Variants in CKM observed in about 807,000 individuals in gnomAD.
CKM encodes the protein creatine kinase, M-type, also known as creatine kinase M-type.
Under a neutral mutation model 35.4 loss-of-function variants are expected in CKM, and 28 were observed. The observed-to-expected ratio is 0.79, with a 90% CI of 0.59 to 1.08. The LOEUF is 1.08. Among genes scored for constraint, CKM ranks in the 50% least tolerant of loss-of-function variants. The pLI is 0.00. For synonymous variants in CKM, 215 were observed against 204.4 expected (o/e 1.05, Z -0.44); for missense variants, 484 against 509.8 (o/e 0.95, Z 0.49).
chr19:45,320,127 C>G (rs1396372859), intron 1 of CKM, among the ~76,000 whole-genome samples: 1 of 150,120 alleles, frequency 6.7e-6, no homozygotes, highest in African/African-American at 2.5e-5. Context: ...CACTCTGTTA[C>G]CCAGGTTGGA....
chr19:45,317,230 C>A (rs1472900559), intron 3 of CKM, among the ~76,000 whole-genome samples: 1 of 152,176 alleles, frequency 6.6e-6, no homozygotes, highest in East Asian at 1.9e-4. Context: ...GCCTCCACCT[C>A]CTGAGTAGCT....
intron 5 of CKM, 59 bp from the exon 6 acceptor site, chr19:45,308,591 C>T: frequency 6.2e-7 from 1 of 1,610,494 alleles, no homozygotes; most frequent in East Asian, 2.2e-5. Flanking sequence ...ACCCCATTCC[C>T]AGCCCTCCCC....
rs377736202 is a variant in CKM, at chr19:45,306,806, C to G, written c.1090G>C (p.Glu364Gln). 2.5e-6 allele frequency: 4 copies of G among 1,614,092 alleles called. No individual in the cohort carries two copies. The highest frequency in any genetic ancestry group is 2.7e-5 in the African/African-American group (2 of 74,936). The change falls in exon 8 of 8, where the codon GAG becomes CAG. Residue 364 changes from glutamate to glutamine, a missense_variant. Transcript: ENST00000221476. The surrounding 1 kb of genome is among the most constrained non-coding windows in gnomAD (Gnocchi z 4.5). ...GACTGGCCTTTCTCCAACTTCTTCTCCATTTCCACCATGAGCTTCACACCA... is the reference window on the plus strand; with the variant it reads ...GACTGGCCTTTCTCCAACTTCTTCTGCATTTCCACCATGAGCTTCACACCA... The part of the protein sequence containing the change: ...VDGVKLMVEM[E>Q]KKLEKGQSID...
chr19:45,315,570 C>G lies in CKM; in HGVS notation c.376G>C (p.Val126Leu), dbSNP rs770684496. The G allele has an allele frequency of 3.1e-6, 5 of 1,604,268 alleles. No homozygotes were observed. The highest frequency in any genetic ancestry group is 4.2e-6 in the Non-Finnish European group (5 of 1,179,944). ...CCAGTGCGGACGCGGCTGCTGAGCACGTAGTTAGGGTCCAGGTCGTCTCCA... is the reference window on the plus strand; with the variant it reads ...CCAGTGCGGACGCGGCTGCTGAGCAGGTAGTTAGGGTCCAGGTCGTCTCCA... ...KGGDDLDPNY[V>L]LSSRVRTGRS... The change falls in exon 4 of 8, where the codon GTG becomes CTG. Residue 126 changes from valine (V) to leucine (L), a missense_variant. Val to Leu is a conservative substitution (Grantham distance 32). Transcript: ENST00000221476.
intron 5 of CKM, among the ~76,000 whole-genome samples, chr19:45,311,251 T>C (rs1261402536): frequency 2.7e-5 from 4 of 149,676 alleles, no homozygotes; most frequent in African/African-American, 9.9e-5. Context: ...TTTGTTTTTT[T>C]TTGAGACAGT....
chr19:45,311,796 C>A lies in CKM; in HGVS notation c.606G>T (p.Leu202=). The change falls in exon 5 of 8, where the codon CTG becomes CTT. Residue 202 remains leucine, a synonymous_variant. Coordinates refer to ENST00000221476, the MANE Select transcript of CKM (RefSeq NM_001824.5). The part of the protein sequence containing the change: ...FLFDKPVSPL[L]LASGMARDWP... ...AGTCGCGGGCCATGCCTGAGGCCAG[C>A]AGCAGCGGGGACACGGGCTTGTCGA... 3 of 1,607,576 alleles carry A rather than the reference C, an allele frequency of 1.9e-6. No individual in the cohort carries two copies. Among genetic ancestry groups the A allele is most frequent in the Non-Finnish European group, 2.5e-6 (3 of 1,177,108 alleles).
At chr19:45,317,416 T>C (rs767837695) in intron 3 of CKM, among the ~76,000 whole-genome samples, 45 of 152,158 alleles carry the variant, frequency 3.0e-4, no homozygotes, top group Non-Finnish European at 1.5e-4. Flanking sequence ...GCCTCCCACG[T>C]AGCTGGGATT....
Position 45,313,225 on chromosome 19 carries a change from A to G in CKM, c.482-1305T>C, listed in dbSNP as rs140724895. Among the ~76,000 whole-genome samples the G allele has an allele frequency of 2.2e-3, 337 of 152,232 alleles. 1 individual carries two copies. In the East Asian group the frequency reaches 0.026, roughly 12 times the overall value. Reference sequence around the variant, plus strand: ...ATGTGCCACTTCGTGTCTCTGTGTCACATGTGGGTAATTCTCACAGTACTG... The same window carrying G: ...ATGTGCCACTTCGTGTCTCTGTGTCGCATGTGGGTAATTCTCACAGTACTG... On this transcript the variant is annotated intron_variant, in intron 4 of 7. Transcript: ENST00000221476.
intron 4 of CKM, among the ~76,000 whole-genome samples, chr19:45,313,773 G>A (rs1001606611): frequency 5.3e-5 from 8 of 152,206 alleles, no homozygotes; most frequent in Non-Finnish European, 8.8e-5. Flanking sequence ...CTTGAACCAC[G>A]AGGTGGAGGT....
chr19:45,319,506 A>G lies in CKM; in HGVS notation c.193+15T>C. The G allele has an allele frequency of 6.2e-7, 1 of 1,609,572 alleles. No individual in the cohort carries two copies. Among genetic ancestry groups the G allele is most frequent in the Non-Finnish European group, 8.5e-7 (1 of 1,176,836 alleles). On this transcript the variant is annotated intron_variant, in intron 2 of 7. Coordinates refer to ENST00000221476, the MANE Select transcript of CKM (RefSeq NM_001824.5). Reference sequence around the variant, plus strand: ...CCCCATGTAGCCCCTTCAGTGCTCCACTGGGGAGGCTCACCTGGGTTGTCC... The same window carrying G: ...CCCCATGTAGCCCCTTCAGTGCTCCGCTGGGGAGGCTCACCTGGGTTGTCC...
At chr19:45,318,872 T>C (rs909094364) in intron 2 of CKM, among the ~76,000 whole-genome samples, 4 of 151,846 alleles carry the variant, frequency 2.6e-5, no homozygotes, top group African/African-American at 9.7e-5. Flanking sequence ...TCTTTTTTTT[T>C]TTTTTTGAGA....
intron 4 of CKM, 111 bp downstream of exon 4, chr19:45,315,354 C>T: frequency 8.1e-7 from 1 of 1,239,654 alleles, no homozygotes; most frequent in Non-Finnish European, 1.1e-6. Context: ...ATTTACCAAG[C>T]TCTTCCCCTA....
Position 45,315,541 on chromosome 19 carries a change from G to C in CKM, c.405C>G (p.Arg135=), listed in dbSNP as rs1408402674. ...YVLSSRVRTG[R]SIKGYTLPPH... ...GGGGCAACGTGTAGCCCTTGATGCT[G>C]CGGCCAGTGCGGACGCGGCTGCTGA... The change falls in exon 4 of 8, where the codon CGC becomes CGG. Residue 135 remains arginine (R), a synonymous_variant. Transcript: ENST00000221476. 6.2e-7 allele frequency: 1 copy of C among 1,602,750 alleles called. No individual in the cohort carries two copies.
chr19:45,311,878 G>A lies in CKM; in HGVS notation c.524C>T (p.Pro175Leu). The change falls in exon 5 of 8, where the codon CCT (proline) becomes CTT (leucine). Residue 175 changes from proline to leucine, a missense_variant. Coordinates refer to ENST00000221476, the MANE Select transcript of CKM (RefSeq NM_001824.5). ...CTCCTTCTCCGTCATGCTCTTCAGAGGGTAGTACTTCCCTTTGAACTCGCC... is the reference window on the plus strand; with the variant it reads ...CTCCTTCTCCGTCATGCTCTTCAGAAGGTAGTACTTCCCTTTGAACTCGCC... ...LTGEFKGKYY[P>L]LKSMTEKEQQ... 6.2e-7 allele frequency: 1 copy of A among 1,614,066 alleles called. No individual in the cohort carries two copies. Among genetic ancestry groups the A allele is most frequent in the Non-Finnish European group, 8.5e-7 (1 of 1,179,964 alleles).
In CKM at chr19:45,307,388, C is replaced by T. The variant is rs1971062935; in HGVS notation, c.967+73G>A. ...ATCCCCAGAACTCGCAGGGATGTCG[C>T]ACCTCTCCTTGCATCCCTGCAAAGG... On this transcript the variant is annotated intron_variant, in intron 7 of 7. Coordinates refer to ENST00000221476, the MANE Select transcript of CKM (RefSeq NM_001824.5). 2.1e-6 allele frequency: 3 copies of T among 1,428,890 alleles called. No homozygotes were observed. The South Asian group carries it at 3.6e-5, about 17-fold the overall frequency. 88.5% of individuals were successfully genotyped at this position (1,428,890 alleles called of 1,614,324 possible).
In CKM at chr19:45,312,010, C is replaced by CGGGCCT; in HGVS notation, c.482-96_482-91dup. Reference sequence around the variant, plus strand: ...GGGTTTCCCCTGCTGCTGCTCCTAACGGGCCTGGGCCTTGGCCCCCTGGAT... The same window carrying CGGGCCT: ...GGGTTTCCCCTGCTGCTGCTCCTAACGGGCCTGGGCCTGGGCCTTGGCCCCCTGGAT... On this transcript the variant is annotated intron_variant, in intron 4 of 7. Coordinates refer to ENST00000221476, the MANE Select transcript of CKM (RefSeq NM_001824.5). 7 of 1,471,340 alleles carry CGGGCCT rather than the reference C, an allele frequency of 4.8e-6. No individual in the cohort carries two copies. The South Asian group carries it at 6.9e-5, about 15-fold the overall frequency. 91.1% of individuals were successfully genotyped at this position (1,471,340 alleles called of 1,614,324 possible).
At chr19:45,309,145 G>A (rs1392067951) in intron 5 of CKM, among the ~76,000 whole-genome samples, 2 of 150,156 alleles carry the variant, frequency 1.3e-5, no homozygotes, top group Non-Finnish European at 1.5e-5. Context: ...AGAGAATGGC[G>A]AGAACCCGGG....
At chr19:45,308,888 T>A (rs1335019129) in intron 5 of CKM, among the ~76,000 whole-genome samples, 1 of 152,154 alleles carries the variant, frequency 6.6e-6, no homozygotes, top group Non-Finnish European at 1.5e-5. Context: ...CCCATCGTAG[T>A]GTGTTAGCTC....
At position 45,311,766 on chromosome 19, in the gene CKM, G is replaced by C. The variant is rs748308189; in HGVS notation, c.636C>G (p.Pro212=). 1 of 1,592,516 alleles carries C rather than the reference G, an allele frequency of 6.3e-7. No individual in the cohort carries two copies. The highest frequency in any genetic ancestry group is 2.3e-5 in the East Asian group (1 of 44,290). ...GGCCTCACCAGATGCCACGGGCGTCGGGCCAGTCGCGGGCCATGCCTGAGG... is the reference window on the plus strand; with the variant it reads ...GGCCTCACCAGATGCCACGGGCGTCCGGCCAGTCGCGGGCCATGCCTGAGG... ...LLASGMARDW[P]DARGIWHNDN... The change falls in exon 5 of 8, where the codon CCC becomes CCG. Residue 212 remains proline, a synonymous_variant. Transcript: ENST00000221476.
Sources: gnomAD v4.1 joint callset for allele counts (sites outside exome capture counted in the v4.1 genomes callset) on GRCh38, gnomAD v4.1.1 for gene constraint, Gnocchi (gnomAD v3.1) non-coding constraint, MANE v1.5 for transcripts, NCBI Gene and HGNC (gene_info 2026-07-23, HGNC 2026-07-21) for gene names.